The following ENO4 variants were observed in gnomAD, a reference collection of about 807,000 sequenced individuals.
ENO4 encodes the protein enolase 4, also known as 2-phospho-D-glycerate hydro-lyase.
A neutral mutation model predicts 63.2 loss-of-function variants in ENO4; 53 were observed. The ratio of observed to expected loss-of-function variants is 0.84; its 90% confidence interval spans 0.67 to 1.05. ENO4 has a LOEUF of 1.05. Ranked by LOEUF, ENO4 falls within the 50% of genes least tolerant of loss-of-function variation. The pLI is 0.00. For synonymous variants in ENO4, 266 were observed against 283.8 expected (o/e 0.94, Z 0.63); for missense variants, 719 against 772.0 (o/e 0.93, Z 0.81).
Position 116,860,148 on chromosome 10 carries a change from A to C in ENO4, c.635-646A>C, listed in dbSNP as rs549330773. Among the ~76,000 whole-genome samples, 132 of 152,352 alleles carry C rather than the reference A, an allele frequency of 8.7e-4. 2 individuals carry two copies. In the South Asian group the frequency reaches 0.027, roughly 31 times the overall value. On this transcript the variant is annotated intron_variant, in intron 4 of 13. Transcript: ENST00000341276. ...TATCTCCACTGGGGACCTGAACCACATCCGCAGCTGTGAAGGAACGGACAA... is the reference window on the plus strand; with the variant it reads ...TATCTCCACTGGGGACCTGAACCACCTCCGCAGCTGTGAAGGAACGGACAA...
rs948777733 is a variant in ENO4, at chr10:116,861,068, A to G, written c.814A>G (p.Thr272Ala). The G allele has an allele frequency of 6.5e-6, 10 of 1,549,602 alleles. No individual in the cohort carries two copies. The highest frequency in any genetic ancestry group is 1.4e-5 in the African/African-American group (1 of 72,992). ...TTTCCCCCTATTTCAGGAACAGCCA[A>G]CAACGCTATCTATGCCTTTGCTGAT... Reference protein sequence around the residue: ...ALLKHNQEQPTTLSMPLLMVS... With the variant: ...ALLKHNQEQPATLSMPLLMVS... The change falls in exon 6 of 14, where the codon ACA (threonine) becomes GCA (alanine). Residue 272 changes from threonine to alanine, a missense_variant. By Grantham distance (58) the Thr-to-Ala change is moderately conservative. Coordinates refer to ENST00000341276, the MANE Select transcript of ENO4 (RefSeq NM_001242699.2).
intron 10 of ENO4, among the ~76,000 whole-genome samples, chr10:116,907,361 T>G (rs2133338227): frequency 6.6e-6 from 1 of 152,326 alleles, no homozygotes; most frequent in East Asian, 1.9e-4. Flanking sequence ...GGTCGGCATC[T>G]TAACTCCACA....
chr10:116,896,801 C>CTTTTTTTTTTTTTTTTTTTTT (rs1230730641), intron 10 of ENO4, among the ~76,000 whole-genome samples: 1 of 121,718 alleles, frequency 8.2e-6, no homozygotes, highest in Non-Finnish European at 1.7e-5. Flanking sequence ...TGATCAGGTA[C>CTTTTTTTTTTTTTTTTTTTTT]TTTTTTTTTT....
At chr10:116,884,295 C>T (rs1281291693), downstream of ENO4, 1 of 457,180 alleles carries the variant, frequency 2.2e-6, no homozygotes, top group Admixed American at 2.3e-5. Flanking sequence ...CCCCTCAAAA[C>T]CAAAGTGAAA....
intron 10 of ENO4, chr10:116,900,441 T>A: frequency 8.5e-7 from 1 of 1,169,940 alleles, no homozygotes; most frequent in Non-Finnish European, 1.2e-6. Flanking sequence ...CCTGCAATTA[T>A]TTCATTTCCT....
chr10:116,868,555 G>A (rs1267389131), intron 7 of ENO4, 95 bp from the exon 8 acceptor site: 2 of 985,830 alleles, frequency 2.0e-6, no homozygotes, highest in Admixed American at 2.0e-5. Flanking sequence ...GTGAGATTCA[G>A]TGTTGCTGGT....
In ENO4 at chr10:116,855,732, C is replaced by G; in HGVS notation, c.275C>G (p.Thr92Ser). Reference sequence around the variant, plus strand: ...ACCCTGCAAGTGGACATATTCTGCACCATTCAAAACTTTCCCAAGGTATGA... The same window carrying G: ...ACCCTGCAAGTGGACATATTCTGCAGCATTCAAAACTTTCCCAAGGTATGA... ...LPTLQVDIFC[T>S]IQNFPKNVCS... Residue 92 changes from threonine to serine, a missense_variant, in exon 2 of 14, where the codon ACC becomes AGC. Coordinates refer to ENST00000341276, the MANE Select transcript of ENO4 (RefSeq NM_001242699.2). 1 of 1,535,316 alleles carries G rather than the reference C, an allele frequency of 6.5e-7. No individual in the cohort carries two copies. Among genetic ancestry groups the G allele is most frequent in the Admixed American group, 2.0e-5 (1 of 50,914 alleles).
At chr10:116,905,615 A>C (rs908934873) in intron 10 of ENO4, among the ~76,000 whole-genome samples, 4 of 152,198 alleles carry the variant, frequency 2.6e-5, no homozygotes, top group Non-Finnish European at 5.9e-5. Flanking sequence ...GAACATGAGA[A>C]CTTGATGATC....
rs115372630 is a variant in ENO4 at position 116,881,782 on chromosome 10, G to A, written c.*113G>A. ...TTCCTCTTCAACTTCACCAACTCTT[G>A]TGGTTTTTATTCTTCTAATTCCACT... is the stretch of plus-strand genomic sequence containing the variant. On this transcript the variant is annotated 3_prime_UTR_variant, in exon 14 of 14. Coordinates refer to ENST00000341276, the MANE Select transcript of ENO4 (RefSeq NM_001242699.2). 5.4e-5 allele frequency: 44 copies of A among 807,980 alleles called. No homozygotes were observed. The African/African-American group carries it at 7.5e-4, about 14-fold the overall frequency. 50.1% of individuals were successfully genotyped at this position (807,980 alleles called of 1,614,324 possible).
At chr10:116,851,679 C>G (rs184028115) in intron 1 of ENO4, among the ~76,000 whole-genome samples, 1 of 152,132 alleles carries the variant, frequency 6.6e-6, no homozygotes, top group Non-Finnish European at 1.5e-5. Flanking sequence ...GTGGCTTTCC[C>G]GTGCTTGCTG....
Position 116,859,011 on chromosome 10 carries a change from A to G in ENO4, c.507A>G (p.Val169=), listed in dbSNP as rs1230104759. The change falls in exon 4 of 14, where the codon GTA becomes GTG. Residue 169 remains valine, a synonymous_variant. Transcript: ENST00000341276. ...HLLRIFFASK[V]QEDKGRKELE... ...TAAGGATATTCTTCGCAAGTAAAGT[A>G]CAAGAAGATAAGGGGAGAAAAGAAT... is the stretch of plus-strand genomic sequence containing the variant. 3 of 1,535,494 alleles carry G rather than the reference A, an allele frequency of 2.0e-6. No individual in the cohort carries two copies. The highest frequency in any genetic ancestry group is 2.6e-6 in the Non-Finnish European group (3 of 1,146,482).
rs760203244 is a variant in ENO4, at chr10:116,856,502, C to G, written c.305C>G (p.Ser102Cys). 1.6e-4 allele frequency: 252 copies of G among 1,535,778 alleles called. No individual in the cohort carries two copies. The highest frequency in any genetic ancestry group is 1.1e-5 in the Non-Finnish European group (13 of 1,146,818). ...TTATATGATTTTCAGAACGTATGTT[C>G]TGTGGTGATCTCGACTCATTTTGAA... Reference protein sequence around the residue: ...TIQNFPKNVCSVVISTHFEVH... With the variant: ...TIQNFPKNVCCVVISTHFEVH... Residue 102 changes from serine (S) to cysteine (C), a missense_variant, in exon 3 of 14, where the codon TCT becomes TGT. By Grantham distance (112) the Ser-to-Cys change is moderately radical. Around this residue, in one of 3 missense-constraint regions of ENO4, gnomAD observed 544 missense variants for 583.6 expected, o/e 0.93. Coordinates refer to ENST00000341276, the MANE Select transcript of ENO4 (RefSeq NM_001242699.2).
Position 116,862,804 on chromosome 10 carries a change from C to T in ENO4, c.942C>T (p.Val314=), listed in dbSNP as rs1298581617. The T allele has an allele frequency of 4.5e-6, 7 of 1,549,186 alleles. No homozygotes were observed. Among genetic ancestry groups the T allele is most frequent in the South Asian group, 3.6e-5 (3 of 83,980 alleles). The change falls in exon 7 of 14, where the codon GTC becomes GTT. Residue 314 remains valine (V), a synonymous_variant. Transcript: ENST00000341276. ...PHPELTTKQG[V]EMLMEMQKHI... is the part of the protein sequence containing the mutation. The stretch of plus-strand genomic sequence containing the variant: ...CATGGTTGTTCTACTTACAGGGTGT[C>T]GAGATGCTTATGGAAATGCAGAAAC...
At chr10:116,902,058 A>T in intron 10 of ENO4, 1 of 1,062,450 alleles carries the variant, frequency 9.4e-7, no homozygotes, top group Admixed American at 3.5e-5. Flanking sequence ...AGAAGTGAAA[A>T]GGCCAAGTTT....
intron 1 of ENO4, 133 bp from the exon 2 acceptor site, chr10:116,855,490 C>T (rs903884230): frequency 2.5e-5 from 28 of 1,101,156 alleles, no homozygotes; most frequent in Admixed American, 6.3e-5. Context: ...GAAGAATACT[C>T]GCGGAGAGGT....
intron 9 of ENO4, 141 bp downstream of exon 9, chr10:116,871,433 T>C (rs1379174920): frequency 1.2e-6 from 1 of 800,072 alleles, no homozygotes; most frequent in African/African-American, 1.7e-5. Flanking sequence ...AGGATCCAAA[T>C]ATAATGAGAA....
intron 1 of ENO4, among the ~76,000 whole-genome samples, chr10:116,852,426 T>C (rs1182476440): frequency 6.6e-6 from 1 of 152,208 alleles, no homozygotes; most frequent in Non-Finnish European, 1.5e-5. Flanking sequence ...GGACTGGGAA[T>C]GTGGCAGATC....
rs535262055 is a variant in ENO4 at position 116,849,515 on chromosome 10, G to C, written c.-52G>C. On this transcript the variant is annotated 5_prime_UTR_variant, in exon 1 of 14. Transcript: ENST00000341276. ...CGTTGCGTTGCCTAGCGACAGCAGG[G>C]ACGCTCGTGGGACCCCAGGCTAAAC... 3.4e-6 allele frequency: 5 copies of C among 1,452,980 alleles called. No homozygotes were observed. In the East Asian group the frequency reaches 1.3e-4, roughly 38 times the overall value. The allele number at this position is 1,452,980 out of a possible 1,614,324, so 90.0% of individuals were successfully genotyped here.
At chr10:116,862,875 A>G in intron 7 of ENO4, 23 bp downstream of exon 7, 1 of 1,475,412 alleles carries the variant, frequency 6.8e-7, no homozygotes, top group Non-Finnish European at 9.3e-7. Context: ...ATTCTATGTT[A>G]TCTAGTTACT....
Sources: allele counts gnomAD v4.1 joint callset (sites outside exome capture counted in the v4.1 genomes callset), GRCh38; gene constraint gnomAD v4.1.1; regional missense constraint gnomAD v4.1.1; transcripts MANE v1.5; gene names NCBI Gene and HGNC (gene_info 2026-07-23, HGNC 2026-07-21).